SPAG16: variants seen among roughly 807,000 people sequenced by gnomAD.
The protein encoded by SPAG16 is sperm-associated antigen 16 protein.
SPAG16 carries 86 observed loss-of-function variants against 80.4 expected under a neutral mutation model. That is an observed-to-expected ratio of 1.07 (90% confidence interval 0.90 to 1.28). SPAG16 has a LOEUF of 1.28. Among genes scored for constraint, SPAG16 ranks in the 50% most tolerant of loss-of-function variants. The pLI is 0.00. For missense variants in SPAG16, 870 were observed against 765.3 expected (o/e 1.14, Z -1.61); for synonymous variants, 294 against 265.9 (o/e 1.11, Z -1.03).
chr2:213,350,053 A>G (rs1216922301), intron 6 of SPAG16, among the ~76,000 whole-genome samples: 1 of 152,226 alleles, frequency 6.6e-6, no homozygotes, highest in East Asian at 1.9e-4. Context: ...TTCTGTTTAG[A>G]TATCAAAATG....
chr2:213,377,137 T>TAA (rs758820112), intron 9 of SPAG16, among the ~76,000 whole-genome samples: 22 of 152,232 alleles, frequency 1.4e-4, no homozygotes, highest in Non-Finnish European at 2.8e-4. Context: ...TTGCTGGAAT[T>TAA]AGAGTTCTAG....
At chr2:213,539,819 C>T (rs1393905247) in intron 10 of SPAG16, among the ~76,000 whole-genome samples, 3 of 152,074 alleles carry the variant, frequency 2.0e-5, no homozygotes, top group Admixed American at 6.5e-5. Flanking sequence ...AAAATAAAAA[C>T]GTTGTAATTT....
At chr2:213,687,475 C>A (rs778753309) in intron 10 of SPAG16, among the ~76,000 whole-genome samples, 19 of 152,144 alleles carry the variant, frequency 1.2e-4, no homozygotes, top group Non-Finnish European at 2.2e-4. Flanking sequence ...GGTTCATTTT[C>A]TTTGTCTGAA....
chr2:213,477,141 A>G (rs1350743541), intron 9 of SPAG16, among the ~76,000 whole-genome samples: 1 of 152,184 alleles, frequency 6.6e-6, no homozygotes, highest in South Asian at 2.1e-4. Flanking sequence ...GAGAGTAGAT[A>G]AGATGGGGAT....
chr2:213,369,771 A>G (rs909226514), intron 8 of SPAG16, among the ~76,000 whole-genome samples: 1 of 152,112 alleles, frequency 6.6e-6, no homozygotes, highest in East Asian at 1.9e-4. Flanking sequence ...ATTGAGTGGA[A>G]GGTACAGTGA....
chr2:213,899,711 C>T (rs1446590757), intron 11 of SPAG16, among the ~76,000 whole-genome samples: 2 of 152,110 alleles, frequency 1.3e-5, no homozygotes, highest in Admixed American at 1.3e-4. Flanking sequence ...AGCTATCCTG[C>T]TCTTCCTCAT....
intron 11 of SPAG16, among the ~76,000 whole-genome samples, chr2:213,900,459 A>G (rs1222081248): frequency 5.3e-5 from 8 of 152,136 alleles, no homozygotes; most frequent in Admixed American, 5.2e-4. Flanking sequence ...CAATTCTTTA[A>G]CATAATTTCT....
chr2:214,148,592 C>G (rs1020969211), intron 14 of SPAG16, among the ~76,000 whole-genome samples: 3 of 152,090 alleles, frequency 2.0e-5, no homozygotes, highest in African/African-American at 7.2e-5. Flanking sequence ...ACCTGCTATG[C>G]GATATTCTTC....
intron 4 of SPAG16, among the ~76,000 whole-genome samples, chr2:213,314,957 G>A (rs986327695): frequency 2.0e-5 from 3 of 151,460 alleles, no homozygotes; most frequent in African/African-American, 7.3e-5. Flanking sequence ...ATTCTATGGG[G>A]GGGTCCTCTT....
At chr2:214,308,454 T>A (rs1387750936) in intron 15 of SPAG16, among the ~76,000 whole-genome samples, 1 of 152,140 alleles carries the variant, frequency 6.6e-6, no homozygotes, top group Non-Finnish European at 1.5e-5. Flanking sequence ...ATTTTGCAGA[T>A]TTGTTTATGT....
chr2:213,637,876 C>T (rs1479865772), intron 10 of SPAG16, among the ~76,000 whole-genome samples: 5 of 152,244 alleles, frequency 3.3e-5, no homozygotes, highest in African/African-American at 1.2e-4. Context: ...CCTGGCTCAG[C>T]CTCCTGAGTA....
At chr2:214,013,773 G>C (rs143629213) in intron 12 of SPAG16, among the ~76,000 whole-genome samples, 178 bp from the exon 13 acceptor site, 4 of 152,078 alleles carry the variant, frequency 2.6e-5, no homozygotes, top group Non-Finnish European at 4.4e-5. Flanking sequence ...GCTACTAATC[G>C]TATAAAGTGC....
At chr2:213,774,910 T>C (rs1444819806) in intron 10 of SPAG16, among the ~76,000 whole-genome samples, 2 of 152,202 alleles carry the variant, frequency 1.3e-5, no homozygotes, top group Non-Finnish European at 2.9e-5. Flanking sequence ...GAAGTATGCA[T>C]GCTGGAGGGT....
At chr2:213,962,599 C>T (rs2044503556) in intron 12 of SPAG16, among the ~76,000 whole-genome samples, 1 of 152,206 alleles carries the variant, frequency 6.6e-6, no homozygotes, top group Admixed American at 6.5e-5. Flanking sequence ...AGAGAAGTCT[C>T]AGCAGAGATT....
At chr2:214,255,391 A>G (rs1480606007) in intron 15 of SPAG16, among the ~76,000 whole-genome samples, 1 of 152,036 alleles carries the variant, frequency 6.6e-6, no homozygotes, top group Non-Finnish European at 1.5e-5. Flanking sequence ...AATGCTGAGT[A>G]GCCATCTCCC....
rs533057706 is a variant in SPAG16 at position 213,751,054 on chromosome 2, A to G, written c.1071-111431A>G. On this transcript the variant is annotated intron_variant, in intron 10 of 15. Coordinates refer to ENST00000331683, the MANE Select transcript of SPAG16 (RefSeq NM_024532.5). ...TTCATAATGCATTTTTTATGTTTAT[A>G]CTACAAAAATGTAGTTGGTCTCTGC... is the stretch of plus-strand genomic sequence containing the variant. Among the ~76,000 whole-genome samples, 3 of 152,318 alleles carry G rather than the reference A, an allele frequency of 2.0e-5. No individual in the cohort carries two copies. In the East Asian group the frequency reaches 5.8e-4, roughly 29 times the overall value.
chr2:214,017,579 A>G (rs1207594154), intron 13 of SPAG16, among the ~76,000 whole-genome samples: 2 of 152,146 alleles, frequency 1.3e-5, no homozygotes, highest in Non-Finnish European at 2.9e-5. Flanking sequence ...CCTCTCATAT[A>G]TATCTGCCTT....
chr2:214,114,135 G>A (rs6733227), intron 14 of SPAG16, among the ~76,000 whole-genome samples: 1 of 152,030 alleles, frequency 6.6e-6, no homozygotes, highest in Non-Finnish European at 1.5e-5. Flanking sequence ...GACCCTGTTT[G>A]CCTGTGTATC....
chr2:213,759,117 A>G (rs946530067), intron 10 of SPAG16, among the ~76,000 whole-genome samples: 58 of 152,322 alleles, frequency 3.8e-4, no homozygotes, highest in African/African-American at 1.3e-3. Flanking sequence ...ATCCCCAGGA[A>G]AACAACAGTT....
Sources: allele counts gnomAD v4.1 joint callset (sites outside exome capture counted in the v4.1 genomes callset), GRCh38; gene constraint gnomAD v4.1.1; transcripts MANE v1.5; gene names NCBI Gene and HGNC (gene_info 2026-07-23, HGNC 2026-07-21).